Variants in PTPRD observed in about 807,000 individuals in gnomAD.
PTPRD encodes the protein receptor-type tyrosine-protein phosphatase delta.
In PTPRD, 34 loss-of-function variants were observed where a neutral mutation model predicts 214.5. The ratio of observed to expected loss-of-function variants is 0.16; its 90% CI spans 0.12 to 0.21. The LOEUF (loss-of-function observed/expected upper bound fraction) is 0.21. PTPRD is among the 10% of genes least tolerant of loss of function. The pLI is 1.00. For missense variants in PTPRD, 2,545 were observed against 2,398.7 expected, an observed-to-expected ratio of 1.06 and a Z score of -1.27; for synonymous variants, 1,128 against 845.7, an observed-to-expected ratio of 1.33 and a Z score of -5.79.
intron 9 of PTPRD, among the ~76,000 whole-genome samples, chr9:9,384,662 G>A (rs970605185): frequency 2.0e-5 from 3 of 151,734 alleles, no homozygotes; most frequent in African/African-American, 7.3e-5. Flanking sequence ...AATGTTTCTT[G>A]TAACTTGTAG....
At chr9:9,240,989 A>G (rs538505130) in intron 9 of PTPRD, among the ~76,000 whole-genome samples, 2 of 152,278 alleles carry the variant, frequency 1.3e-5, no homozygotes, top group South Asian at 4.1e-4. Flanking sequence ...TCTGAAATGT[A>G]CAGGTTTCTG....
chr9:9,808,285 T>G (rs2046066347), intron 5 of PTPRD, among the ~76,000 whole-genome samples: 1 of 152,190 alleles, frequency 6.6e-6, no homozygotes, highest in Admixed American at 6.5e-5. Flanking sequence ...TACATCTTCC[T>G]CAGATACAAG....
intron 4 of PTPRD, among the ~76,000 whole-genome samples, chr9:9,958,580 C>T (rs1305194891): frequency 6.6e-6 from 1 of 151,984 alleles, no homozygotes; most frequent in Non-Finnish European, 1.5e-5. Context: ...AAGACTTATG[C>T]TGTGTAAAAC....
intron 3 of PTPRD, among the ~76,000 whole-genome samples, chr9:10,305,154 A>G (rs111580311): frequency 6.6e-6 from 1 of 152,280 alleles, no homozygotes; most frequent in Middle Eastern, 3.4e-3. Context: ...AGCAATGGGG[A>G]AAGGATTCCC....
intron 43 of PTPRD, among the ~76,000 whole-genome samples, chr9:8,332,723 TTATAGAAGCAGAAA>T: frequency 6.6e-6 from 1 of 152,272 alleles, no homozygotes. Context: ...GAGCCTCTGT[TTATAGAAGCAGAAA>T]TAATACATTG....
At chr9:9,048,657 G>A (rs749827094) in intron 10 of PTPRD, among the ~76,000 whole-genome samples, 31 of 152,140 alleles carry the variant, frequency 2.0e-4, no homozygotes, top group Non-Finnish European at 3.7e-4. Flanking sequence ...CGGGGGCTAG[G>A]AAAGGTAGTG....
intron 7 of PTPRD, among the ~76,000 whole-genome samples, chr9:9,729,353 G>C (rs1222320142): frequency 3.3e-5 from 5 of 152,022 alleles, no homozygotes; most frequent in Non-Finnish European, 7.4e-5. Context: ...GGAAGAGAAA[G>C]ACTGAAAATG....
At chr9:8,829,571 G>C (rs753657090) in intron 11 of PTPRD, among the ~76,000 whole-genome samples, 2 of 152,146 alleles carry the variant, frequency 1.3e-5, no homozygotes, top group Non-Finnish European at 2.9e-5. Context: ...ATCACACTGG[G>C]TTAGAATTTC....
intron 8 of PTPRD, among the ~76,000 whole-genome samples, chr9:9,561,042 G>T (rs1025157778): frequency 6.6e-6 from 1 of 152,112 alleles, no homozygotes; most frequent in Non-Finnish European, 1.5e-5. Flanking sequence ...GCCGAGCTGA[G>T]CCCCAAGAGC....
At chr9:9,293,387 T>C (rs1281868021) in intron 9 of PTPRD, among the ~76,000 whole-genome samples, 1 of 117,618 alleles carries the variant, frequency 8.5e-6, no homozygotes, top group East Asian at 2.5e-4. Context: ...TGTTTGTTTG[T>C]TCTTTTTTTT....
At chr9:9,251,350 C>T (rs150906873) in intron 9 of PTPRD, among the ~76,000 whole-genome samples, 1 of 152,202 alleles carries the variant, frequency 6.6e-6, no homozygotes, top group African/African-American at 2.4e-5. Context: ...TCATCCCTGC[C>T]TACTTTTCTA....
rs182397588 is a variant in PTPRD at position 9,707,629 on chromosome 9, A to G, written c.-287+26904T>C. On this transcript the variant is annotated intron_variant, in intron 7 of 45. Coordinates refer to ENST00000381196, the MANE Select transcript of PTPRD (RefSeq NM_002839.4). ...ATTTTTCTGAAGTTATTAGCAAAAAATAGTTTTGCCTATGAATTATCCAAT... is the reference window on the plus strand; with the variant it reads ...ATTTTTCTGAAGTTATTAGCAAAAAGTAGTTTTGCCTATGAATTATCCAAT... Among the ~76,000 whole-genome samples, 250 of 152,274 alleles carry G rather than the reference A, an allele frequency of 1.6e-3. 1 individual carries two copies. The highest frequency in any genetic ancestry group is 5.7e-3 in the African/African-American group (237 of 41,556).
intron 8 of PTPRD, among the ~76,000 whole-genome samples, chr9:9,499,474 T>C (rs2096325343): frequency 1.3e-5 from 2 of 152,154 alleles, no homozygotes; most frequent in South Asian, 4.1e-4. Flanking sequence ...TAAACTTTAC[T>C]TCAGCTATCA....
At chr9:9,015,301 C>T (rs7874860) in intron 11 of PTPRD, among the ~76,000 whole-genome samples, 7,399 of 152,108 alleles carry the variant, frequency 0.049, 210 homozygotes, top group South Asian at 0.085. Flanking sequence ...ATCATAAAGA[C>T]GTTGCTGATA....
At chr9:9,714,633 A>G (rs1280369319) in intron 7 of PTPRD, among the ~76,000 whole-genome samples, 1 of 152,194 alleles carries the variant, frequency 6.6e-6, no homozygotes, top group African/African-American at 2.4e-5. Flanking sequence ...AAAGGAAACA[A>G]ATAAATAAAA....
chr9:10,207,277 C>T (rs182581753), intron 3 of PTPRD, among the ~76,000 whole-genome samples: 28 of 151,914 alleles, frequency 1.8e-4, no homozygotes, highest in Admixed American at 1.7e-3. Context: ...TTTGTCTGAT[C>T]TCTTTAATTC....
intron 11 of PTPRD, among the ~76,000 whole-genome samples, chr9:8,788,830 T>C (rs1433442338): frequency 6.6e-6 from 1 of 152,220 alleles, no homozygotes; most frequent in African/African-American, 2.4e-5. Flanking sequence ...ATTGATGCAA[T>C]GTGCAGTACA....
At chr9:8,492,332 C>G (rs1354563304) in intron 27 of PTPRD, among the ~76,000 whole-genome samples, 2 of 152,102 alleles carry the variant, frequency 1.3e-5, no homozygotes, top group South Asian at 2.1e-4. Context: ...CCCTCCAGAT[C>G]TTCATGGGAC....
Position 8,484,316 on chromosome 9 carries a change from A to G in PTPRD, c.3216T>C (p.Ile1072=), listed in dbSNP as rs2135786340. The change falls in exon 30 of 46, where the codon ATT becomes ATC. Residue 1072 remains isoleucine (I), a synonymous_variant. Coordinates refer to ENST00000381196, the MANE Select transcript of PTPRD (RefSeq NM_002839.4). The part of the protein sequence containing the change: ...EVDGRATQKL[I]VNLKPEKSYS... ...ATGATTTCTCAGGCTTCAGGTTGAC[A>G]ATTAACTTCTGTGTGGCTCGGCCAT... The G allele has an allele frequency of 6.2e-7, 1 of 1,614,122 alleles. No homozygotes were observed. The highest frequency in any genetic ancestry group is 8.5e-7 in the Non-Finnish European group (1 of 1,180,026).
Sources: gnomAD v4.1 joint callset for allele counts (sites outside exome capture counted in the v4.1 genomes callset) on GRCh38, gnomAD v4.1.1 for gene constraint, MANE v1.5 for transcripts, NCBI Gene and HGNC (gene_info 2026-07-23, HGNC 2026-07-21) for gene names.